RGS9: variants seen among roughly 807,000 people sequenced by gnomAD.
RGS9 encodes the protein regulator of G-protein signalling 9.
RGS9 carries 78 observed loss-of-function variants against 102.0 expected under a neutral mutation model. The ratio of observed to expected loss-of-function variants is 0.76; its 90% CI spans 0.64 to 0.92. The LOEUF (loss-of-function observed/expected upper bound fraction) is 0.92. Among genes scored for constraint, RGS9 ranks in the 40% least tolerant of loss-of-function variants. RGS9 has a pLI of 0.00. For missense variants in RGS9, 833 were observed against 866.1 expected, an observed-to-expected ratio of 0.96 and a Z score of 0.48; for synonymous variants, 353 against 318.6, an observed-to-expected ratio of 1.11 and a Z score of -1.15.
chr17:65,146,461 G>A (rs190698093), intron 1 of RGS9, among the ~76,000 whole-genome samples: 198 of 152,028 alleles, frequency 1.3e-3, no homozygotes, highest in Non-Finnish European at 2.3e-3. Context: ...GGTGGGGTGC[G>A]CCTGTAGTCC....
intron 9 of RGS9, among the ~76,000 whole-genome samples, chr17:65,182,996 A>T (rs551296206): frequency 6.6e-6 from 1 of 152,244 alleles, no homozygotes; most frequent in East Asian, 1.9e-4. Context: ...ACGGCTATTT[A>T]CTTCACATGA....
chr17:65,159,909 G>A (rs937787031), intron 3 of RGS9, among the ~76,000 whole-genome samples: 94 of 152,322 alleles, frequency 6.2e-4, no homozygotes, highest in African/African-American at 2.0e-3. Flanking sequence ...AGGGCCTATA[G>A]AGGCTTCTCT....
At chr17:65,166,731 T>C (rs1324370851) in intron 7 of RGS9, among the ~76,000 whole-genome samples, 7 of 152,194 alleles carry the variant, frequency 4.6e-5, no homozygotes, top group Non-Finnish European at 8.8e-5. Flanking sequence ...TTTACCAGGC[T>C]CTCCAGCATT....
chr17:65,183,642 C>T (rs370915658), intron 9 of RGS9, among the ~76,000 whole-genome samples: 14 of 152,190 alleles, frequency 9.2e-5, no homozygotes, highest in Middle Eastern at 6.8e-3. Context: ...TCTGGATCTC[C>T]GGGTTTCTGA....
Position 65,201,654 on chromosome 17 carries a change from G to T in RGS9, c.977-339G>T, listed in dbSNP as rs183943267. Among the ~76,000 whole-genome samples the T allele has an allele frequency of 1.1e-4, 16 of 152,338 alleles. No homozygotes were observed. The East Asian group carries it at 2.5e-3, about 24-fold the overall frequency. ...CCTCTGGGGGGTGATATGAACTCTGGCCTGTGTATTGTTGGAGGAAAGGAA... is the reference window on the plus strand; with the variant it reads ...CCTCTGGGGGGTGATATGAACTCTGTCCTGTGTATTGTTGGAGGAAAGGAA... On this transcript the variant is annotated intron_variant, in intron 13 of 18. Coordinates refer to ENST00000262406, the MANE Select transcript of RGS9 (RefSeq NM_003835.4).
At chr17:65,162,020 A>G (rs1291408740) in intron 6 of RGS9, among the ~76,000 whole-genome samples, 1 of 152,150 alleles carries the variant, frequency 6.6e-6, no homozygotes, top group Non-Finnish European at 1.5e-5. Flanking sequence ...TCTTACAAAC[A>G]TGTTTTCAGA....
Position 65,160,282 on chromosome 17 carries a change from C to A in RGS9, c.255C>A (p.Pro85=), listed in dbSNP as rs61739547. ...NFIVRYGYIY[P]LQDPKNLILK... is the part of the protein sequence containing the mutation. ...TTGTCAGGTATGGCTACATTTACCC[C>A]CTGCAAGACCCCAAGAATCTCATTC... The change falls in exon 4 of 19, where the codon CCC becomes CCA. Residue 85 remains proline, a synonymous_variant. Coordinates refer to ENST00000262406, the MANE Select transcript of RGS9 (RefSeq NM_003835.4). 9 of 1,614,158 alleles carry A rather than the reference C, an allele frequency of 5.6e-6. No homozygotes were observed. Among genetic ancestry groups the A allele is most frequent in the Middle Eastern group, 1.7e-4 (1 of 6,058 alleles).
intron 1 of RGS9, among the ~76,000 whole-genome samples, chr17:65,145,686 C>G (rs1910331977): frequency 6.6e-6 from 1 of 152,052 alleles, no homozygotes; most frequent in Non-Finnish European, 1.5e-5. Flanking sequence ...TGAGCCAGTG[C>G]ACCTGGACTC....
intron 17 of RGS9, 175 bp downstream of exon 17, chr17:65,210,780 T>G (rs1394283273): frequency 9.4e-7 from 1 of 1,063,436 alleles, no homozygotes; most frequent in Non-Finnish European, 1.3e-6. Flanking sequence ...CATCCCATAC[T>G]CCTCTAACTT....
At chr17:65,187,306 A>G (rs1353327217) in intron 9 of RGS9, among the ~76,000 whole-genome samples, 2 of 152,222 alleles carry the variant, frequency 1.3e-5, no homozygotes, top group Non-Finnish European at 2.9e-5. Context: ...ACAAAGAGTC[A>G]CACAAATAAG....
At chr17:65,174,165 C>T (rs1014243593) in intron 8 of RGS9, among the ~76,000 whole-genome samples, 2 of 152,232 alleles carry the variant, frequency 1.3e-5, no homozygotes, top group African/African-American at 4.8e-5. Flanking sequence ...ATAGAGGACT[C>T]TATCTCAGTT....
chr17:65,155,404 T>A (rs990767067), intron 2 of RGS9, among the ~76,000 whole-genome samples: 1 of 152,240 alleles, frequency 6.6e-6, no homozygotes, highest in African/African-American at 2.4e-5. Context: ...AGATGGTTAG[T>A]AAAAGTTTAT....
intron 9 of RGS9, among the ~76,000 whole-genome samples, chr17:65,188,053 G>T (rs751238522): frequency 8.5e-5 from 13 of 152,146 alleles, no homozygotes; most frequent in Non-Finnish European, 1.6e-4. Flanking sequence ...TGAAGTATAA[G>T]AGTCAGTACC....
intron 17 of RGS9, 156 bp downstream of exon 17, chr17:65,210,761 C>T: frequency 1.6e-6 from 2 of 1,255,570 alleles, no homozygotes; most frequent in South Asian, 1.4e-5. Context: ...TTGTGGAGGT[C>T]ATCAGGTTCA....
At chr17:65,205,365 G>C (rs1913012810) in intron 15 of RGS9, among the ~76,000 whole-genome samples, 1 of 152,040 alleles carries the variant, frequency 6.6e-6, no homozygotes, top group South Asian at 2.1e-4. Context: ...GGTTATATGA[G>C]ATAGATTATG....
chr17:65,189,361 A>G, intron 10 of RGS9, 46 bp downstream of exon 10: 1 of 1,430,344 alleles, frequency 7.0e-7, no homozygotes, highest in Non-Finnish European at 9.9e-7. Flanking sequence ...TAAATCTTCT[A>G]ACAGGTTATA....
chr17:65,193,149 T>C (rs1598604351), intron 11 of RGS9, among the ~76,000 whole-genome samples: 1 of 148,444 alleles, frequency 6.7e-6, no homozygotes, highest in Admixed American at 6.7e-5. Context: ...TGCGCGTCTG[T>C]GATCCCAGCT....
intron 17 of RGS9, among the ~76,000 whole-genome samples, chr17:65,222,636 A>G (rs1164471306): frequency 6.6e-6 from 1 of 152,156 alleles, no homozygotes; most frequent in Non-Finnish European, 1.5e-5. Context: ...TCCACCTAAC[A>G]GTTGTCTCCC....
chr17:65,204,857 G>A (rs1337319441), intron 15 of RGS9, among the ~76,000 whole-genome samples: 1 of 152,206 alleles, frequency 6.6e-6, no homozygotes, highest in Non-Finnish European at 1.5e-5. Context: ...CCAGAATCTA[G>A]TGGCTTGGTC....
Sources: gnomAD v4.1 joint callset for allele counts (sites outside exome capture counted in the v4.1 genomes callset) on GRCh38, gnomAD v4.1.1 for gene constraint, MANE v1.5 for transcripts, NCBI Gene and HGNC (gene_info 2026-07-23, HGNC 2026-07-21) for gene names.